Variants in SPIN1 observed in about 807,000 individuals in gnomAD.
SPIN1 encodes spindlin-1.
Under a neutral mutation model 26.0 loss-of-function variants are expected in SPIN1, and 3 were observed. The observed-to-expected ratio is 0.12, with a 90% CI of 0.05 to 0.30. SPIN1 has a LOEUF of 0.30. SPIN1 is among the 10% of genes least tolerant of loss of function. SPIN1 has a pLI of 1.00. For synonymous variants in SPIN1, 101 were observed against 116.5 expected (o/e 0.87, Z 0.86); for missense variants, 126 against 333.4 (o/e 0.38, Z 4.84).
At chr9:88,432,921 A>T (rs1827911576) in intron 2 of SPIN1, among the ~76,000 whole-genome samples, 2 of 151,772 alleles carry the variant, frequency 1.3e-5, no homozygotes, top group Admixed American at 6.6e-5. Flanking sequence ...ATTTTCTTTT[A>T]CACAGGCTGG....
intron 1 of SPIN1, among the ~76,000 whole-genome samples, chr9:88,390,846 TA>T (rs35634188): frequency 6.6e-6 from 1 of 152,148 alleles, no homozygotes. Context: ...AGCCTTTTTT[TA>T]AAAAAAGTTT....
intron 1 of SPIN1, among the ~76,000 whole-genome samples, chr9:88,417,721 C>T (rs7028948): frequency 0.054 from 8,163 of 152,144 alleles, 692 homozygotes; most frequent in African/African-American, 0.18. Context: ...GATCCGCTGG[C>T]TTTGGCCTGC....
intron 1 of SPIN1, among the ~76,000 whole-genome samples, chr9:88,421,307 CTG>C (rs1371588255): frequency 1.3e-5 from 2 of 151,736 alleles, no homozygotes; most frequent in Non-Finnish European, 2.9e-5. Context: ...GTGTGTGTGT[CTG>C]TGTGTTTTTT....
chr9:88,472,060 A>G (rs887439541), intron 5 of SPIN1, among the ~76,000 whole-genome samples: 1 of 151,964 alleles, frequency 6.6e-6, no homozygotes, highest in African/African-American at 2.4e-5. Context: ...CAGTCTTCCA[A>G]AGTGCTGGGA....
At chr9:88,404,884 C>G (rs1465131455) in intron 1 of SPIN1, among the ~76,000 whole-genome samples, 3 of 150,248 alleles carry the variant, frequency 2.0e-5, no homozygotes, top group Non-Finnish European at 4.4e-5. Context: ...CCATTGCACT[C>G]CAGCCTGGGG....
intron 1 of SPIN1, chr9:88,411,555 C>G: frequency 1.6e-6 from 1 of 619,936 alleles, no homozygotes; most frequent in Non-Finnish European, 2.8e-6. Context: ...ACTTTGTCAC[C>G]CAGGCTAGAG....
intron 3 of SPIN1, among the ~76,000 whole-genome samples, chr9:88,460,361 CTTTG>C (rs566364958): frequency 1.1e-4 from 16 of 152,008 alleles, no homozygotes; most frequent in Admixed American, 2.0e-4. Flanking sequence ...TGATTCTTTA[CTTTG>C]TTTGGTAGTT....
chr9:88,461,750 A>G lies in SPIN1; in HGVS notation c.102-746A>G, dbSNP rs192214819. 5.9e-4 allele frequency among the ~76,000 whole-genome samples: 90 copies of G among 152,170 alleles called. 1 individual carries two copies. The Middle Eastern group carries it at 0.014, about 23-fold the overall frequency. On this transcript the variant is annotated intron_variant, in intron 3 of 5. Coordinates refer to ENST00000375859, the MANE Select transcript of SPIN1 (RefSeq NM_006717.3). Reference sequence around the variant, plus strand: ...GCCAGGGTTTTAAGGTGAAATGAAGATTTTTTCCTGATATCAAGAGCCAGG... The same window carrying G: ...GCCAGGGTTTTAAGGTGAAATGAAGGTTTTTTCCTGATATCAAGAGCCAGG...
At chr9:88,420,575 T>C (rs928427035) in intron 1 of SPIN1, among the ~76,000 whole-genome samples, 1 of 152,218 alleles carries the variant, frequency 6.6e-6, no homozygotes, top group East Asian at 1.9e-4. Flanking sequence ...TTATGAGTTA[T>C]AGCAATTTGA....
chr9:88,389,197 C>T (rs1328759914), intron 1 of SPIN1, among the ~76,000 whole-genome samples: 1 of 152,186 alleles, frequency 6.6e-6, no homozygotes, highest in Non-Finnish European at 1.5e-5. Flanking sequence ...TCCTGATGCG[C>T]CGTCTCTTCG....
At position 88,425,494 on chromosome 9, in the gene SPIN1, A is replaced by C. The variant is rs141943850; in HGVS notation, c.-158-888A>C. 3.6e-3 allele frequency among the ~76,000 whole-genome samples: 551 copies of C among 152,148 alleles called. 3 individuals are homozygous for C. The highest frequency in any genetic ancestry group is 7.5e-3 in the South Asian group (36 of 4,808). On this transcript the variant is annotated intron_variant, in intron 1 of 5. Transcript: ENST00000375859. ...GGAGATTGAGACCATCCTGACCAAC[A>C]TGGTGAAACCCCATCTTTACTAAAA...
chr9:88,392,116 ACAGCAG>A (rs1826936100), intron 1 of SPIN1, among the ~76,000 whole-genome samples: 1 of 152,204 alleles, frequency 6.6e-6, no homozygotes, highest in Admixed American at 6.5e-5. Context: ...TTCCTGAAAT[ACAGCAG>A]CTGACGCCAG....
At position 88,426,428 on chromosome 9, in the gene SPIN1, C is replaced by A; in HGVS notation, c.-112C>A. The A allele has an allele frequency of 1.3e-6, 1 of 790,804 alleles. No homozygotes were observed. The highest frequency in any genetic ancestry group is 2.1e-6 in the Non-Finnish European group (1 of 482,544). 49.0% of individuals were successfully genotyped at this position (790,804 alleles called of 1,614,324 possible). A position where few individuals can be genotyped will look rare whatever the true frequency, so the allele number is the denominator to read the frequency against. On this transcript the variant is annotated 5_prime_UTR_variant, in exon 2 of 6. Transcript: ENST00000375859. ...TTTTGCTGAACTCGTAAAAGAGACA[C>A]TTGGATGGTGGATTAACCAGAACAC...
At chr9:88,406,871 C>T (rs1208195442) in intron 1 of SPIN1, among the ~76,000 whole-genome samples, 1 of 152,118 alleles carries the variant, frequency 6.6e-6, no homozygotes, top group Non-Finnish European at 1.5e-5. Flanking sequence ...CCTGGATACT[C>T]TGTTGAGCTC....
At chr9:88,463,531 G>C (rs1371580517) in intron 4 of SPIN1, among the ~76,000 whole-genome samples, 1 of 152,118 alleles carries the variant, frequency 6.6e-6, no homozygotes, top group Non-Finnish European at 1.5e-5. Context: ...TAGGAATTTT[G>C]GGATCAAATT....
Position 88,396,650 on chromosome 9 carries a change from C to T in SPIN1, c.-159+8112C>T, listed in dbSNP as rs111860213. Among the ~76,000 whole-genome samples the T allele has an allele frequency of 8.0e-4, 122 of 152,102 alleles. 1 individual carries two copies. The highest frequency in any genetic ancestry group is 2.8e-3 in the African/African-American group (117 of 41,512). ...AAATGGCTTTCCAGTGCCTTAAGGA[C>T]AAAAGTTTATAATGTAGCCTCAAGG... is the stretch of plus-strand genomic sequence containing the variant. On this transcript the variant is annotated intron_variant, in intron 1 of 5. Coordinates refer to ENST00000375859, the MANE Select transcript of SPIN1 (RefSeq NM_006717.3).
intron 4 of SPIN1, among the ~76,000 whole-genome samples, chr9:88,467,923 G>A (rs1209256819): frequency 1.3e-5 from 2 of 150,950 alleles, no homozygotes; most frequent in Admixed American, 1.3e-4. Context: ...CTGTGGTTAT[G>A]TAAGATGCTA....
chr9:88,468,481 C>T lies in SPIN1; in HGVS notation c.465C>T (p.Val155=). 1.2e-6 allele frequency: 2 copies of T among 1,613,644 alleles called. No homozygotes were observed. The highest frequency in any genetic ancestry group is 1.7e-6 in the Non-Finnish European group (2 of 1,179,860). The change falls in exon 5 of 6, where the codon GTC becomes GTT. Residue 155 remains valine (V), a synonymous_variant. Coordinates refer to ENST00000375859, the MANE Select transcript of SPIN1 (RefSeq NM_006717.3). ...CTAAAGATGAGTGGAGGGGAATGGT[C>T]TTAGCACGTGCACCTGTCATGAACA... ...DGSKDEWRGM[V]LARAPVMNTW...
chr9:88,389,198 C>A (rs1002464709), intron 1 of SPIN1, among the ~76,000 whole-genome samples: 3 of 152,156 alleles, frequency 2.0e-5, no homozygotes, highest in South Asian at 2.1e-4. Flanking sequence ...CCTGATGCGC[C>A]GTCTCTTCGC....
Sources: gnomAD v4.1 joint callset for allele counts (sites outside exome capture counted in the v4.1 genomes callset) on GRCh38, gnomAD v4.1.1 for gene constraint, MANE v1.5 for transcripts, NCBI Gene and HGNC (gene_info 2026-07-23, HGNC 2026-07-21) for gene names.